Variants in SPOCK3 observed in about 807,000 individuals in gnomAD.
SPOCK3 encodes the protein testican-3.
Under a neutral mutation model 56.6 loss-of-function variants are expected in SPOCK3, and 30 were observed. The observed-to-expected ratio is 0.53, with a 90% CI of 0.40 to 0.72. SPOCK3 has a LOEUF of 0.72. Among genes scored for constraint, SPOCK3 ranks in the 30% least tolerant of loss-of-function variants. SPOCK3 has a pLI of 0.00. For synonymous variants in SPOCK3, 196 were observed against 183.3 expected, an observed-to-expected ratio of 1.07 and a Z score of -0.56; for missense variants, 527 against 530.0, an observed-to-expected ratio of 0.99 and a Z score of 0.06.
intron 6 of SPOCK3, among the ~76,000 whole-genome samples, chr4:166,841,879 C>T (rs1409473441): frequency 3.3e-5 from 5 of 152,092 alleles, no homozygotes; most frequent in Non-Finnish European, 5.9e-5. Flanking sequence ...AGAATGAAGC[C>T]GTGGACCCTT....
chr4:166,904,257 T>C (rs1214922716), intron 5 of SPOCK3, among the ~76,000 whole-genome samples: 2 of 152,154 alleles, frequency 1.3e-5, no homozygotes, highest in African/African-American at 4.8e-5. Context: ...GTATGTTATA[T>C]ATCTTATAGC....
intron 4 of SPOCK3, among the ~76,000 whole-genome samples, chr4:166,997,480 C>A (rs933009861): frequency 2.2e-4 from 33 of 152,124 alleles, no homozygotes; most frequent in African/African-American, 7.9e-4. Context: ...AATGTTTAAA[C>A]CTAGATTATC....
intron 4 of SPOCK3, among the ~76,000 whole-genome samples, chr4:166,968,288 G>T (rs534695254): frequency 6.6e-6 from 1 of 152,344 alleles, no homozygotes; most frequent in South Asian, 2.1e-4. Flanking sequence ...CAAGGTGGCA[G>T]AAATTTGCAT....
chr4:167,142,860 T>G (rs1763646378), intron 2 of SPOCK3, among the ~76,000 whole-genome samples: 1 of 151,994 alleles, frequency 6.6e-6, no homozygotes, highest in Non-Finnish European at 1.5e-5. Flanking sequence ...AAATATTAGC[T>G]AAATAAATTG....
At chr4:166,745,272 A>G (rs201452905) in intron 8 of SPOCK3, among the ~76,000 whole-genome samples, 1 of 68,648 alleles carries the variant, frequency 1.5e-5, no homozygotes, top group African/African-American at 4.6e-5. Flanking sequence ...GAAGCCCATC[A>G]GACTAACAGC....
intron 6 of SPOCK3, among the ~76,000 whole-genome samples, chr4:166,863,840 A>C (rs776221852): frequency 1.1e-4 from 17 of 152,152 alleles, no homozygotes; most frequent in Non-Finnish European, 2.5e-4. Flanking sequence ...ATAGTGAGAG[A>C]CTTTAAGACC....
chr4:166,768,030 A>G lies in SPOCK3; in HGVS notation c.710-13301T>C, dbSNP rs1377432549. On this transcript the variant is annotated intron_variant, in intron 7 of 10. Coordinates refer to ENST00000357545, the MANE Select transcript of SPOCK3 (RefSeq NM_001040159.2). ...TTGCAAACCCTGCTTTTTTTGTTTT[A>G]CATTTGTCTGGTAGATCTTCCTCCA... 3.0e-5 allele frequency among the ~76,000 whole-genome samples: 4 copies of G among 131,308 alleles called. No homozygotes were observed. The South Asian group carries it at 9.7e-4, about 32-fold the overall frequency. 86.1% of individuals were successfully genotyped at this position (131,308 alleles called of 152,430 possible). A position where few individuals can be genotyped will look rare whatever the true frequency, so the allele number is the denominator to read the frequency against.
intron 4 of SPOCK3, among the ~76,000 whole-genome samples, chr4:166,959,297 G>A (rs1049240324): frequency 1.3e-5 from 2 of 152,040 alleles, no homozygotes; most frequent in Non-Finnish European, 2.9e-5. Context: ...AGAAAACTAG[G>A]TTAACTGGGT....
chr4:167,232,103 A>G (rs1382734146), intron 2 of SPOCK3, among the ~76,000 whole-genome samples: 1 of 152,140 alleles, frequency 6.6e-6, no homozygotes, highest in Non-Finnish European at 1.5e-5. Flanking sequence ...GACTCCATAA[A>G]TTCTAGCATA....
rs117935418 is a variant in SPOCK3, at chr4:167,128,059, C to T, written c.190-65522G>A. 3.3e-4 allele frequency among the ~76,000 whole-genome samples: 50 copies of T among 152,196 alleles called. No individual in the cohort carries two copies. The East Asian group carries it at 8.9e-3, about 27-fold the overall frequency. On this transcript the variant is annotated intron_variant, in intron 2 of 10. Coordinates refer to ENST00000357545, the MANE Select transcript of SPOCK3 (RefSeq NM_001040159.2). Reference sequence around the variant, plus strand: ...TCTCCAATAATTAATTACCTCTTTCCTTCTTGTTCTTCAAACTCTCTCTTT... The same window carrying T: ...TCTCCAATAATTAATTACCTCTTTCTTTCTTGTTCTTCAAACTCTCTCTTT...
intron 4 of SPOCK3, among the ~76,000 whole-genome samples, chr4:166,913,778 G>GTCTC (rs140957483): frequency 3.1e-4 from 46 of 149,510 alleles, no homozygotes; most frequent in East Asian, 1.2e-3. Flanking sequence ...ATTATTTTCT[G>GTCTC]TCTCTCTCTC....
In SPOCK3 at chr4:166,966,240, G is replaced by GTT. The variant is rs35645475; in HGVS notation, c.350+34107_350+34108dup. Among the ~76,000 whole-genome samples, 161 of 141,430 alleles carry GTT rather than the reference G, an allele frequency of 1.1e-3. 1 individual carries two copies. The highest frequency in any genetic ancestry group is 9.9e-3 in the East Asian group (48 of 4,862). 92.8% of individuals were successfully genotyped at this position (141,430 alleles called of 152,430 possible). On this transcript the variant is annotated intron_variant, in intron 4 of 10. Transcript: ENST00000357545. Reference sequence around the variant, plus strand: ...CCACTTATTCATCCATCCTTTCAGCGTTTTTTTTTTTTTCCCGTCAAGTGT... The same window carrying GTT: ...CCACTTATTCATCCATCCTTTCAGCGTTTTTTTTTTTTTTTCCCGTCAAGTGT...
chr4:166,860,802 C>CATATATATATATATATATATGTGTATAT, intron 6 of SPOCK3, among the ~76,000 whole-genome samples: 2 of 101,938 alleles, frequency 2.0e-5, no homozygotes, highest in African/African-American at 7.6e-5. Context: ...CACACAAATT[C>CATATATATATATATATATATGTGTATAT]ATATATATAT....
chr4:166,974,322 G>T (rs889606982), intron 4 of SPOCK3, among the ~76,000 whole-genome samples: 18 of 151,998 alleles, frequency 1.2e-4, no homozygotes, highest in South Asian at 4.1e-4. Context: ...GTTTGGAATT[G>T]GGGACAGACA....
intron 2 of SPOCK3, among the ~76,000 whole-genome samples, chr4:167,122,328 T>A (rs183680807): frequency 1.9e-3 from 285 of 152,224 alleles, no homozygotes; most frequent in African/African-American, 6.4e-3. Flanking sequence ...TAATTTTTGA[T>A]CTGTGGAGAC....
At chr4:167,163,297 A>T (rs1233164353) in intron 2 of SPOCK3, among the ~76,000 whole-genome samples, 1 of 151,234 alleles carries the variant, frequency 6.6e-6, no homozygotes, top group Non-Finnish European at 1.5e-5. Flanking sequence ...ATTTTATTTA[A>T]TTTTTAATTT....
At chr4:166,768,864 T>C (rs758820074) in intron 7 of SPOCK3, among the ~76,000 whole-genome samples, 17 of 152,206 alleles carry the variant, frequency 1.1e-4, no homozygotes, top group Non-Finnish European at 2.4e-4. Context: ...AGTCCCATAT[T>C]TGTTGGAAGC....
intron 2 of SPOCK3, among the ~76,000 whole-genome samples, chr4:167,125,052 T>C (rs185034194): frequency 1.6e-4 from 24 of 152,284 alleles, no homozygotes; most frequent in Non-Finnish European, 2.6e-4. Context: ...AGTTTACTTA[T>C]CACTTAAAAT....
chr4:167,129,114 C>G (rs771383543), intron 2 of SPOCK3, among the ~76,000 whole-genome samples: 1 of 152,160 alleles, frequency 6.6e-6, no homozygotes. Flanking sequence ...TGGTTCTCAA[C>G]GTACTGCCTT....
Sources: allele counts gnomAD v4.1 joint callset (sites outside exome capture counted in the v4.1 genomes callset), GRCh38; gene constraint gnomAD v4.1.1; transcripts MANE v1.5; gene names NCBI Gene and HGNC (gene_info 2026-07-23, HGNC 2026-07-21).